Variants in CNTNAP2 observed in about 807,000 individuals in gnomAD.
The protein encoded by CNTNAP2 is contactin associated protein 2.
Under a neutral mutation model 155.2 loss-of-function variants are expected in CNTNAP2, and 98 were observed. That is an observed-to-expected ratio of 0.63 (90% CI 0.54 to 0.75). The LOEUF (loss-of-function observed/expected upper bound fraction) is 0.75, where lower values mean the gene tolerates loss of function less well. Among genes scored for constraint, CNTNAP2 ranks in the 30% least tolerant of loss-of-function variants. The probability of loss-of-function intolerance (pLI) is 0.00; values close to 1 mark genes in which losing one functional copy is unlikely to be tolerated. For synonymous variants in CNTNAP2, 651 were observed against 631.2 expected, an observed-to-expected ratio of 1.03 and a Z score of -0.47; for missense variants, 1,727 against 1,688.1, an observed-to-expected ratio of 1.02 and a Z score of -0.40.
Position 146,134,705 on chromosome 7 carries a change from G to T in CNTNAP2, c.97+17732G>T, listed in dbSNP as rs1247739086. ...TGTCTTTGGCTCTGTTTATATGCTG[G>T]ATTACATTTATTGATTTGCGTATAT... On this transcript the variant is annotated intron_variant, in intron 1 of 23. Coordinates refer to ENST00000361727, the MANE Select transcript of CNTNAP2 (RefSeq NM_014141.6). Among the ~76,000 whole-genome samples, 4 of 150,974 alleles carry T rather than the reference G, an allele frequency of 2.6e-5. No individual in the cohort carries two copies. The East Asian group carries it at 7.8e-4, about 29-fold the overall frequency.
intron 15 of CNTNAP2, among the ~76,000 whole-genome samples, chr7:148,005,953 C>A (rs994322084): frequency 8.5e-5 from 13 of 152,164 alleles, no homozygotes; most frequent in African/African-American, 3.1e-4. Flanking sequence ...ACAGTCCCTG[C>A]TTTCAATAGA....
intron 1 of CNTNAP2, among the ~76,000 whole-genome samples, chr7:146,639,575 C>A (rs1007082137): frequency 5.9e-5 from 9 of 152,190 alleles, no homozygotes; most frequent in African/African-American, 2.2e-4. Context: ...GATACATTTA[C>A]TAAGGATTTA....
chr7:147,300,708 T>C (rs1442058383), intron 9 of CNTNAP2, among the ~76,000 whole-genome samples: 1 of 152,166 alleles, frequency 6.6e-6, no homozygotes, highest in Non-Finnish European at 1.5e-5. Flanking sequence ...AGCGAGTCTT[T>C]CATGAGGTTG....
At chr7:147,585,654 T>G (rs1490850447) in intron 12 of CNTNAP2, among the ~76,000 whole-genome samples, 1 of 151,888 alleles carries the variant, frequency 6.6e-6, no homozygotes, top group Non-Finnish European at 1.5e-5. Context: ...TTATAATCTC[T>G]CACCTTTAAT....
At chr7:146,904,693 G>C (rs996099726) in intron 3 of CNTNAP2, among the ~76,000 whole-genome samples, 2 of 152,032 alleles carry the variant, frequency 1.3e-5, no homozygotes, top group Non-Finnish European at 2.9e-5. Context: ...GGATGGTCTC[G>C]ATCTCCTGAC....
intron 13 of CNTNAP2, among the ~76,000 whole-genome samples, chr7:147,783,591 C>A (rs1319496895): frequency 1.3e-5 from 2 of 152,186 alleles, no homozygotes; most frequent in Non-Finnish European, 2.9e-5. Context: ...AAGATGACCA[C>A]AAGTTTCGTT....
intron 1 of CNTNAP2, among the ~76,000 whole-genome samples, chr7:146,161,726 A>G (rs964703622): frequency 2.0e-5 from 3 of 152,212 alleles, no homozygotes; most frequent in African/African-American, 7.2e-5. Flanking sequence ...CCTAAAGAAC[A>G]AAGCTGGATG....
chr7:147,738,237 C>T (rs560485980), intron 13 of CNTNAP2, among the ~76,000 whole-genome samples: 11 of 152,192 alleles, frequency 7.2e-5, no homozygotes, highest in African/African-American at 1.2e-4. Context: ...ATGGTAACAA[C>T]GGATTAAGAA....
At chr7:146,451,622 C>T (rs1183149600) in intron 1 of CNTNAP2, among the ~76,000 whole-genome samples, 3 of 151,926 alleles carry the variant, frequency 2.0e-5, no homozygotes, top group Non-Finnish European at 4.4e-5. Flanking sequence ...TTTTGCACTG[C>T]GTTGCACAGA....
rs186388973 is a variant in CNTNAP2 at position 147,039,687 on chromosome 7, C to T, written c.403-4220C>T. 1.3e-3 allele frequency among the ~76,000 whole-genome samples: 201 copies of T among 151,808 alleles called. 4 individuals are homozygous for T. Among genetic ancestry groups the T allele is most frequent in the African/African-American group, 4.3e-3 (178 of 41,514 alleles). ...TGATTTATATTCCTCTGAGTATATT[C>T]CCCATAATGGGATTGCTGGGTCAAA... is the stretch of plus-strand genomic sequence containing the variant. On this transcript the variant is annotated intron_variant, in intron 3 of 23. Transcript: ENST00000361727.
At chr7:147,894,193 C>T (rs1195514241) in intron 13 of CNTNAP2, 1 of 152,164 alleles carries the variant, frequency 6.6e-6, no homozygotes, top group East Asian at 1.9e-4. Context: ...TCTAGAATTG[C>T]ACCAATTAAG....
At chr7:147,467,573 G>A (rs765051384) in intron 10 of CNTNAP2, among the ~76,000 whole-genome samples, 18 of 152,128 alleles carry the variant, frequency 1.2e-4, no homozygotes, top group Non-Finnish European at 1.8e-4. Context: ...CACCTGTTGC[G>A]TACAATGCTC....
chr7:148,192,140 A>C (rs928528248), intron 18 of CNTNAP2, among the ~76,000 whole-genome samples: 10 of 152,080 alleles, frequency 6.6e-5, no homozygotes, highest in African/African-American at 2.4e-4. Flanking sequence ...AAAATGTGTA[A>C]ATTTATGGCG....
intron 13 of CNTNAP2, among the ~76,000 whole-genome samples, chr7:147,885,217 A>G (rs1277509242): frequency 1.3e-5 from 2 of 152,208 alleles, no homozygotes; most frequent in African/African-American, 4.8e-5. Flanking sequence ...AGTAGAAAAG[A>G]AGAGGCCAGG....
intron 20 of CNTNAP2, among the ~76,000 whole-genome samples, chr7:148,247,602 T>C (rs1796287440): frequency 9.0e-6 from 1 of 111,074 alleles, no homozygotes; most frequent in Non-Finnish European, 1.7e-5. Context: ...CCATTCTCTC[T>C]CTCTCTCTCT....
chr7:146,728,406 A>G (rs1281198992), intron 1 of CNTNAP2, among the ~76,000 whole-genome samples: 1 of 152,124 alleles, frequency 6.6e-6, no homozygotes, highest in Non-Finnish European at 1.5e-5. Context: ...ATTGCAAATA[A>G]TGCGAGCCAG....
intron 1 of CNTNAP2, among the ~76,000 whole-genome samples, chr7:146,438,368 G>A (rs1312857216): frequency 1.3e-5 from 2 of 150,104 alleles, no homozygotes; most frequent in African/African-American, 2.5e-5. Flanking sequence ...GATTTTAGAT[G>A]GTTTTTCATC....
intron 1 of CNTNAP2, among the ~76,000 whole-genome samples, chr7:146,491,890 A>G (rs767974538): frequency 3.3e-5 from 5 of 152,116 alleles, no homozygotes; most frequent in African/African-American, 4.8e-5. Context: ...GAGAATTTCT[A>G]TATAAGCCTG....
intron 1 of CNTNAP2, among the ~76,000 whole-genome samples, chr7:146,548,459 T>C (rs1249702878): frequency 6.6e-6 from 1 of 152,012 alleles, no homozygotes; most frequent in African/African-American, 2.4e-5. Context: ...CATTACTGGG[T>C]ATATACCCAA....
Sources: gnomAD v4.1 joint callset for allele counts (sites outside exome capture counted in the v4.1 genomes callset) on GRCh38, gnomAD v4.1.1 for gene constraint, MANE v1.5 for transcripts, NCBI Gene and HGNC (gene_info 2026-07-23, HGNC 2026-07-21) for gene names.